CPLANE1: variants seen among roughly 807,000 people sequenced by gnomAD.
CPLANE1 encodes the protein ciliogenesis and planar polarity effector 1.
In CPLANE1, 263 loss-of-function variants were observed where a neutral mutation model predicts 362.5. That is an observed-to-expected ratio of 0.73 (90% CI 0.66 to 0.80). CPLANE1 has a LOEUF of 0.80. Among genes scored for constraint, CPLANE1 ranks in the 30% least tolerant of loss-of-function variants. The pLI, the probability that CPLANE1 is intolerant of heterozygous loss-of-function variation, is 0.00. For missense variants in CPLANE1, 3,461 were observed against 3,793.4 expected (o/e 0.91, Z 2.30); for synonymous variants, 1,212 against 1,302.6 (o/e 0.93, Z 1.50).
chr5:37,201,461 A>G, intron 19 of CPLANE1, 130 bp downstream of exon 19: 1 of 692,030 alleles, frequency 1.4e-6, no homozygotes, highest in Non-Finnish European at 2.4e-6. Flanking sequence ...AGTGAACAGC[A>G]AAGCTGGGAT....
rs770735282 is a variant in CPLANE1, at chr5:37,153,760, G to C, written c.8353C>G (p.Leu2785Val). The change falls in exon 42 of 53, where the codon CTA becomes GTA. Residue 2785 changes from leucine to valine, a missense_variant. Coordinates refer to ENST00000651892, the MANE Select transcript of CPLANE1 (RefSeq NM_001384732.1). ...TCTACCTTATCACAATGTAGATCTA[G>C]CATTTCAGGCTTGGGGAAATCCTGT... ...IEQDFPKPEMLDLHCDKIGPV... is the reference protein window; with the variant it reads ...IEQDFPKPEMVDLHCDKIGPV... The C allele has an allele frequency of 1.2e-6, 2 of 1,612,840 alleles. No individual in the cohort carries two copies. The highest frequency in any genetic ancestry group is 2.7e-5 in the African/African-American group (2 of 74,994).
At chr5:37,239,538 G>A (rs550012760) in intron 7 of CPLANE1, among the ~76,000 whole-genome samples, 175 bp downstream of exon 7, 3 of 129,170 alleles carry the variant, frequency 2.3e-5, no homozygotes, top group Admixed American at 9.7e-5. Flanking sequence ...AGCCATGATC[G>A]CACCACTGCA....
intron 34 of CPLANE1, among the ~76,000 whole-genome samples, chr5:37,167,475 C>T (rs1220007872): frequency 2.0e-5 from 3 of 152,098 alleles, no homozygotes; most frequent in Admixed American, 6.6e-5. Context: ...AATTTCATTC[C>T]CTTATTAAAA....
Position 37,139,794 on chromosome 5 carries a change from C to T in CPLANE1, c.8633-424G>A, listed in dbSNP as rs147192825. The T allele has an allele frequency of 6.2e-3, 5,750 of 934,516 alleles. 83 individuals carry two copies. The highest frequency in any genetic ancestry group is 0.053 in the African/African-American group (2,989 of 56,278). 57.9% of individuals were successfully genotyped at this position (934,516 alleles called of 1,614,324 possible). On this transcript the variant is annotated intron_variant, in intron 44 of 52. Coordinates refer to ENST00000651892, the MANE Select transcript of CPLANE1 (RefSeq NM_001384732.1). ...CGAACTCCTGAGCTCAAGTGATTCA[C>T]CTGCCTTGGCCTCCCAAAGTGCTTG...
At chr5:37,099,514 G>A in the CPLANE1 span, among the ~76,000 whole-genome samples, 1 of 152,140 alleles carries the variant, frequency 6.6e-6, no homozygotes, top group African/African-American at 2.4e-5. Flanking sequence ...TGGTGTATAT[G>A]TACTACATTT....
intron 46 of CPLANE1, among the ~76,000 whole-genome samples, chr5:37,131,633 C>T (rs992991335): frequency 2.6e-5 from 4 of 151,856 alleles, no homozygotes; most frequent in East Asian, 1.9e-4. Flanking sequence ...CAGGTTCAAG[C>T]GATTCTCCTG....
the CPLANE1 span, among the ~76,000 whole-genome samples, chr5:37,096,663 C>G: frequency 3.3e-5 from 5 of 152,002 alleles, no homozygotes; most frequent in Non-Finnish European, 7.4e-5. Flanking sequence ...ATACATCCGA[C>G]AAAGAACTAA....
rs371762009 is a variant in CPLANE1, at chr5:37,157,861, T to C, written c.7820A>G (p.His2607Arg). 3.1e-6 allele frequency: 5 copies of C among 1,593,818 alleles called. No homozygotes were observed. In the South Asian group the frequency reaches 4.5e-5, roughly 14 times the overall value. The change falls in exon 40 of 53, where the codon CAT becomes CGT. Residue 2607 changes from histidine to arginine, a missense_variant. Transcript: ENST00000651892. ...IPHTVTNLVG[H>R]TYINVIDIEA... is the part of the protein sequence containing the mutation. ...AATGTCAATCACATTTATATAAGTA[T>C]GTCCAACCTGAGCCAAAACACATAA...
chr5:37,203,930 A>C (rs537675464), intron 18 of CPLANE1, among the ~76,000 whole-genome samples: 1 of 152,284 alleles, frequency 6.6e-6, no homozygotes, highest in East Asian at 1.9e-4. Flanking sequence ...GAACCCTTTG[A>C]ATTTTTATTT....
intron 24 of CPLANE1, among the ~76,000 whole-genome samples, 164 bp from the exon 25 acceptor site, chr5:37,185,243 G>C (rs1403130696): frequency 6.6e-6 from 1 of 152,012 alleles, no homozygotes; most frequent in Non-Finnish European, 1.5e-5. Flanking sequence ...TTACTGGAAA[G>C]ATATTTTAAA....
chr5:37,096,092 G>A, the CPLANE1 span, among the ~76,000 whole-genome samples: 1 of 152,042 alleles, frequency 6.6e-6, no homozygotes, highest in Non-Finnish European at 1.5e-5. Context: ...AAATTCATAT[G>A]GAACCAAAAA....
chr5:37,217,303 A>C (rs150280981), intron 15 of CPLANE1, among the ~76,000 whole-genome samples: 1 of 152,316 alleles, frequency 6.6e-6, no homozygotes, highest in Non-Finnish European at 1.5e-5. Flanking sequence ...AAGTTAAAAA[A>C]ATTTTCAAAG....
chr5:37,169,280 T>G lies in CPLANE1; in HGVS notation c.6744A>C (p.Gln2248His), dbSNP rs142772503. ...PLFLHTGSIP[Q>H]VPFRPLPQPR... is the part of the protein sequence containing the mutation. The stretch of plus-strand genomic sequence containing the variant: ...GTTGTGGCAAAGGCCTGAAGGGAAC[T>G]TGTGGAATACTTCCTGTATGTAAGA... Residue 2248 changes from glutamine to histidine, a missense_variant, in exon 34 of 53, where the codon CAA becomes CAC. This residue lies in a region of CPLANE1 where 3,380 missense variants were observed against 3,666.1 expected (regional missense o/e 0.92). Coordinates refer to ENST00000651892, the MANE Select transcript of CPLANE1 (RefSeq NM_001384732.1). 1 of 1,614,200 alleles carries G rather than the reference T, an allele frequency of 6.2e-7. No homozygotes were observed. Among genetic ancestry groups the G allele is most frequent in the Admixed American group, 1.7e-5 (1 of 60,030 alleles).
rs188357265 is a variant in CPLANE1 at position 37,225,622 on chromosome 5, C to T, written c.2291+682G>A. Among the ~76,000 whole-genome samples, 537 of 152,100 alleles carry T rather than the reference C, an allele frequency of 3.5e-3. 2 individuals carry two copies. The highest frequency in any genetic ancestry group is 0.012 in the African/African-American group (508 of 41,522). On this transcript the variant is annotated intron_variant, in intron 12 of 52. Transcript: ENST00000651892. ...ATCCCAACACTTTGGGAGGCTGAAG[C>T]GGGCGGATCACCTGAGGTCAGGAGT... is the stretch of plus-strand genomic sequence containing the variant.
Position 37,157,852 on chromosome 5 carries a change from AT to A in CPLANE1, c.7828del (p.Ile2610Ter). On this transcript the variant is annotated frameshift_variant, in exon 40 of 53. Coordinates refer to ENST00000651892, the MANE Select transcript of CPLANE1 (RefSeq NM_001384732.1). LOFTEE classifies it high-confidence loss of function. The stretch of plus-strand genomic sequence containing the variant: ...ATTAGCTTCAATGTCAATCACATTT[AT>A]ATAAGTATGTCCAACCTGAGCCAAA... Reference protein sequence around the residue: ...TVTNLVGHTYINVIDIEANDL... With the variant: ...TVTNLVGHTYXNVIDIEANDL... 6.5e-7 allele frequency: 1 copy of A among 1,537,870 alleles called. No homozygotes were observed. Among genetic ancestry groups the A allele is most frequent in the African/African-American group, 1.4e-5 (1 of 72,154 alleles).
chr5:37,198,998 G>T, intron 19 of CPLANE1, 132 bp from the exon 20 acceptor site: 1 of 696,192 alleles, frequency 1.4e-6, no homozygotes, highest in Non-Finnish European at 2.2e-6. Context: ...TTGGAAGGCT[G>T]AAGCAGGAGG....
At chr5:37,238,566 C>T (rs1799573250) in intron 8 of CPLANE1, among the ~76,000 whole-genome samples, 1 of 140,342 alleles carries the variant, frequency 7.1e-6, no homozygotes, top group Non-Finnish European at 1.5e-5. Context: ...AAGATCATAG[C>T]TCACTGCAGC....
At chr5:37,132,963 A>G (rs1302720190) in intron 46 of CPLANE1, among the ~76,000 whole-genome samples, 1 of 152,220 alleles carries the variant, frequency 6.6e-6, no homozygotes, top group Non-Finnish European at 1.5e-5. Context: ...GGTGAAAGGT[A>G]GGGGTCCAGT....
chr5:37,093,835 G>T, the CPLANE1 span, among the ~76,000 whole-genome samples: 1 of 152,182 alleles, frequency 6.6e-6, no homozygotes, highest in African/African-American at 2.4e-5. Context: ...AAGGCCAAAA[G>T]CTTTTTGCAA....
Sources: gnomAD v4.1 joint callset for allele counts (sites outside exome capture counted in the v4.1 genomes callset) on GRCh38, gnomAD v4.1.1 for gene constraint, gnomAD v4.1.1 regional missense constraint, MANE v1.5 for transcripts, NCBI Gene and HGNC (gene_info 2026-07-23, HGNC 2026-07-21) for gene names.